The following GALNTL6 variants were observed in gnomAD, a reference collection of about 807,000 sequenced individuals.
GALNTL6 encodes polypeptide N-acetylgalactosaminyltransferase like 6.
In GALNTL6, 46 loss-of-function variants were observed where a neutral mutation model predicts 73.7. The observed-to-expected ratio is 0.62, with a 90% CI of 0.49 to 0.80. The LOEUF (loss-of-function observed/expected upper bound fraction) is 0.80. GALNTL6 is among the 30% of genes least tolerant of loss of function. The probability of loss-of-function intolerance (pLI) is 0.00; values close to 1 mark genes in which losing one functional copy is unlikely to be tolerated. For synonymous variants in GALNTL6, 259 were observed against 263.7 expected (o/e 0.98, Z 0.17); for missense variants, 604 against 755.0 (o/e 0.80, Z 2.34).
chr4:172,884,176 T>G (rs1231256108), intron 8 of GALNTL6, among the ~76,000 whole-genome samples: 1 of 152,164 alleles, frequency 6.6e-6, no homozygotes, highest in Non-Finnish European at 1.5e-5. Context: ...TCTATTTTAG[T>G]ATTTTGAGGA....
At chr4:172,730,332 A>C (rs1350043435) in intron 5 of GALNTL6, among the ~76,000 whole-genome samples, 2 of 152,136 alleles carry the variant, frequency 1.3e-5, no homozygotes, top group Admixed American at 1.3e-4. Context: ...TAGGTCTTCC[A>C]TGTTTCTCCA....
chr4:172,792,347 G>A (rs75422894), intron 5 of GALNTL6, among the ~76,000 whole-genome samples: 2 of 4,552 alleles, frequency 4.4e-4, no homozygotes, highest in Non-Finnish European at 9.8e-4. Context: ...ATATATACAC[G>A]TGTGTACTAC....
intron 10 of GALNTL6, among the ~76,000 whole-genome samples, chr4:173,000,725 T>C (rs751620917): frequency 3.9e-5 from 6 of 152,188 alleles, no homozygotes; most frequent in Non-Finnish European, 7.4e-5. Context: ...ACCAAGGGAA[T>C]CCAATAGATT....
At chr4:172,254,318 T>G (rs745851043) in intron 3 of GALNTL6, among the ~76,000 whole-genome samples, 5 of 151,874 alleles carry the variant, frequency 3.3e-5, no homozygotes, top group Admixed American at 2.0e-4. Flanking sequence ...AAAAAAGTAG[T>G]GTATATGATA....
intron 5 of GALNTL6, among the ~76,000 whole-genome samples, chr4:172,354,603 T>TAC (rs925592084): frequency 1.3e-5 from 2 of 152,014 alleles, no homozygotes; most frequent in African/African-American, 4.8e-5. Flanking sequence ...AAAATTATCC[T>TAC]ACAACATAAA....
intron 5 of GALNTL6, among the ~76,000 whole-genome samples, chr4:172,598,076 C>A (rs1265705445): frequency 6.6e-6 from 1 of 152,050 alleles, no homozygotes; most frequent in Non-Finnish European, 1.5e-5. Context: ...TATTTAGGAA[C>A]CTAAGGCAAA....
intron 5 of GALNTL6, among the ~76,000 whole-genome samples, chr4:172,773,312 T>C (rs940024029): frequency 3.9e-5 from 6 of 152,154 alleles, no homozygotes; most frequent in African/African-American, 1.4e-4. Context: ...GTGATCCTCC[T>C]GCCTCAGCCT....
intron 5 of GALNTL6, among the ~76,000 whole-genome samples, chr4:172,440,449 T>G (rs899729344): frequency 2.6e-5 from 4 of 152,012 alleles, no homozygotes; most frequent in Non-Finnish European, 5.9e-5. Flanking sequence ...ATGGAGATAG[T>G]AAAAAGATAT....
chr4:172,834,972 C>T (rs1464931651), intron 7 of GALNTL6, among the ~76,000 whole-genome samples: 2 of 152,128 alleles, frequency 1.3e-5, no homozygotes, highest in Non-Finnish European at 2.9e-5. Context: ...TTCTGTAATG[C>T]CTGAAGAAGA....
intron 2 of GALNTL6, among the ~76,000 whole-genome samples, chr4:171,953,767 AT>A (rs1441544549): frequency 6.6e-6 from 1 of 152,166 alleles, no homozygotes; most frequent in Admixed American, 6.6e-5. Context: ...AAGAGTATAT[AT>A]TTTTATATTC....
chr4:171,996,963 A>T (rs1375935076), intron 2 of GALNTL6, among the ~76,000 whole-genome samples: 3 of 152,164 alleles, frequency 2.0e-5, no homozygotes, highest in Non-Finnish European at 4.4e-5. Context: ...GGACAGAGGC[A>T]TAACAAACAA....
chr4:172,415,058 G>A (rs777556626), intron 5 of GALNTL6, among the ~76,000 whole-genome samples: 2 of 151,956 alleles, frequency 1.3e-5, no homozygotes, highest in Non-Finnish European at 2.9e-5. Flanking sequence ...ATTATCAATA[G>A]CAACCTTTGC....
At position 172,167,238 on chromosome 4, in the gene GALNTL6, A is replaced by G. The variant is rs184116799; in HGVS notation, c.139-62418A>G. ...TCTTCTTAGTTGATTCTATATGCAG[A>G]ATTCATTAAGAAAGACTATTTTTAG... On this transcript the variant is annotated intron_variant, in intron 2 of 12. Transcript: ENST00000506823. Among the ~76,000 whole-genome samples, 16 of 152,352 alleles carry G rather than the reference A, an allele frequency of 1.1e-4. No homozygotes were observed. The East Asian group carries it at 3.1e-3, about 29-fold the overall frequency.
chr4:171,946,174 T>A (rs1462298874), intron 2 of GALNTL6, among the ~76,000 whole-genome samples: 2 of 152,200 alleles, frequency 1.3e-5, no homozygotes, highest in African/African-American at 2.4e-5. Flanking sequence ...TAATATCTAC[T>A]ATTTCAATGA....
At chr4:172,854,907 T>C (rs149168681) in intron 7 of GALNTL6, among the ~76,000 whole-genome samples, 42 of 152,192 alleles carry the variant, frequency 2.8e-4, no homozygotes, top group African/African-American at 8.9e-4. Context: ...CTGCTGTAAG[T>C]AGTAGGTGGT....
At chr4:172,802,982 A>G (rs1372895833) in intron 5 of GALNTL6, among the ~76,000 whole-genome samples, 1 of 152,268 alleles carries the variant, frequency 6.6e-6, no homozygotes, top group Admixed American at 6.5e-5. Flanking sequence ...TGACATGTAG[A>G]CATATAGCTC....
chr4:172,322,185 A>G (rs1439536827), intron 4 of GALNTL6, among the ~76,000 whole-genome samples: 2 of 152,268 alleles, frequency 1.3e-5, no homozygotes, highest in East Asian at 3.9e-4. Flanking sequence ...AAAATGTCGA[A>G]CCATGCACTT....
intron 4 of GALNTL6, among the ~76,000 whole-genome samples, chr4:172,314,600 CTTTTTTTT>C (rs773057515): frequency 1.4e-5 from 1 of 70,674 alleles, no homozygotes; most frequent in Non-Finnish European, 2.4e-5. Flanking sequence ...AATGCGTAGG[CTTTTTTTT>C]TTTTTTTTTT....
chr4:171,995,868 G>A (rs1262328659), intron 2 of GALNTL6, among the ~76,000 whole-genome samples: 1 of 152,032 alleles, frequency 6.6e-6, no homozygotes, highest in Non-Finnish European at 1.5e-5. Context: ...ACACATTACA[G>A]TTTTAAAGTG....
Sources: allele counts gnomAD v4.1 joint callset (sites outside exome capture counted in the v4.1 genomes callset), GRCh38; gene constraint gnomAD v4.1.1; transcripts MANE v1.5; gene names NCBI Gene and HGNC (gene_info 2026-07-23, HGNC 2026-07-21).